Variants in KCNC1 observed in about 807,000 individuals in gnomAD.
KCNC1 encodes voltage-gated potassium channel KCNC1.
KCNC1 carries 8 observed loss-of-function variants against 43.4 expected under a neutral mutation model. The observed-to-expected ratio is 0.18, with a 90% CI of 0.11 to 0.33. The LOEUF is 0.33. Ranked by LOEUF, KCNC1 falls within the 10% of genes least tolerant of loss-of-function variation. The pLI is 1.00. For synonymous variants in KCNC1, 361 were observed against 360.5 expected (o/e 1.00, Z -0.01); for missense variants, 420 against 836.0 (o/e 0.50, Z 6.14).
rs760064649 is a variant in KCNC1, at chr11:17,742,960, G to A, written c.570+6388G>A. Among the ~76,000 whole-genome samples, 14 of 152,128 alleles carry A rather than the reference G, an allele frequency of 9.2e-5. No individual in the cohort carries two copies. Among genetic ancestry groups the A allele is most frequent in the East Asian group, 1.9e-4 (1 of 5,192 alleles). On this transcript the variant is annotated intron_variant, in intron 1 of 3. Transcript: ENST00000265969. The surrounding 1 kb of genome is among the most constrained non-coding windows in gnomAD (Gnocchi z 4.2). ...ACAGATACCTGCATTCCAAGGACAC[G>A]GCACAGCTGATTGAGACCTTCTCAC...
intron 1 of KCNC1, among the ~76,000 whole-genome samples, chr11:17,765,109 C>T (rs1330596066): frequency 6.6e-6 from 1 of 152,200 alleles, no homozygotes; most frequent in African/African-American, 2.4e-5. Context: ...TCAGAAAGGA[C>T]CAATCCAACC....
In KCNC1 at chr11:17,773,240, T is replaced by G; in HGVS notation, c.1504+642T>G. On this transcript the variant is annotated intron_variant, in intron 2 of 3. Coordinates refer to ENST00000265969, the MANE Select transcript of KCNC1 (RefSeq NM_001112741.2). This position sits in a 1 kb window ranked among gnomAD's most constrained non-coding sequence, Gnocchi z 4.1. Reference sequence around the variant, plus strand: ...CTCCGTGACAAGCTTACTTACCCCATAGCATGCTGAACCAACTCATCTTCT... The same window carrying G: ...CTCCGTGACAAGCTTACTTACCCCAGAGCATGCTGAACCAACTCATCTTCT... The G allele has an allele frequency of 1.0e-6, 1 of 985,792 alleles. No individual in the cohort carries two copies. The highest frequency in any genetic ancestry group is 1.2e-6 in the Non-Finnish European group (1 of 830,248). 61.1% of individuals were successfully genotyped at this position (985,792 alleles called of 1,614,324 possible).
Position 17,777,584 on chromosome 11 carries a change from G to T in KCNC1, c.1505-1872G>T. On this transcript the variant is annotated intron_variant, in intron 2 of 3. Coordinates refer to ENST00000265969, the MANE Select transcript of KCNC1 (RefSeq NM_001112741.2). The surrounding 1 kb of genome is among the most constrained non-coding windows in gnomAD (Gnocchi z 4.3). ...CTGCGAGCACACGTGTGTGCCTGCA[G>T]ACATGCCCCAAGACCCCAGAGACGC... 2 of 985,882 alleles carry T rather than the reference G, an allele frequency of 2.0e-6. No homozygotes were observed. Among genetic ancestry groups the T allele is most frequent in the Non-Finnish European group, 2.4e-6 (2 of 829,956 alleles). 61.1% of individuals were successfully genotyped at this position (985,882 alleles called of 1,614,324 possible). A position where few individuals can be genotyped will look rare whatever the true frequency, so the allele number is the denominator to read the frequency against.
In KCNC1 at chr11:17,736,159, G is replaced by C; in HGVS notation, c.157G>C (p.Asp53His). Reference protein sequence around the residue: ...HSHFDYDPRADEFFFDRHPGV... With the variant: ...HSHFDYDPRAHEFFFDRHPGV... ...CCACTTCGACTATGACCCGCGTGCT[G>C]ACGAGTTCTTCTTCGACCGCCACCC... is the stretch of plus-strand genomic sequence containing the variant. Residue 53 changes from aspartate (D) to histidine (H), a missense_variant, in exon 1 of 4, where the codon GAC becomes CAC. Asp to His is a moderately conservative substitution (Grantham distance 81, BLOSUM62 -1). Around this residue, in one of 5 missense-constraint regions of KCNC1, gnomAD observed 42 missense variants for 81.5 expected, o/e 0.52. Coordinates refer to ENST00000265969, the MANE Select transcript of KCNC1 (RefSeq NM_001112741.2). This position sits in a 1 kb window ranked among gnomAD's most constrained non-coding sequence, Gnocchi z 9.3. The C allele has an allele frequency of 6.2e-7, 1 of 1,613,498 alleles. No individual in the cohort carries two copies. The highest frequency in any genetic ancestry group is 2.2e-5 in the East Asian group (1 of 44,850).
At chr11:17,737,109 A>C (rs1265447446) in intron 1 of KCNC1, among the ~76,000 whole-genome samples, 2 of 151,586 alleles carry the variant, frequency 1.3e-5, no homozygotes, top group Admixed American at 1.3e-4. Context: ...CTTGAGACAG[A>C]CACCCCCTCC....
intron 1 of KCNC1, among the ~76,000 whole-genome samples, chr11:17,741,758 C>A (rs1848845354): frequency 6.6e-6 from 1 of 152,246 alleles, no homozygotes; most frequent in Non-Finnish European, 1.5e-5. Flanking sequence ...CTTACCAAAC[C>A]CCAACCACCC....
chr11:17,768,822 G>A (rs1849188858), intron 1 of KCNC1, among the ~76,000 whole-genome samples: 1 of 152,234 alleles, frequency 6.6e-6, no homozygotes, highest in Admixed American at 6.5e-5. Context: ...CCTGCCCTTA[G>A]GGAGTCTCTG....
chr11:17,777,448 G>A lies in KCNC1; in HGVS notation c.1505-2008G>A, dbSNP rs930895575. 5.2e-5 allele frequency: 51 copies of A among 985,746 alleles called. No homozygotes were observed. The highest frequency in any genetic ancestry group is 7.0e-5 in the African/African-American group (4 of 57,202). The allele number at this position is 985,746 out of a possible 1,614,324, so 61.1% of individuals were successfully genotyped here. ...GGCCTCAACCCCCACATCGTCATCC[G>A]CGTCCTCTCCATACTGTTTCCCTCC... On this transcript the variant is annotated intron_variant, in intron 2 of 3. Coordinates refer to ENST00000265969, the MANE Select transcript of KCNC1 (RefSeq NM_001112741.2). The surrounding 1 kb of genome is among the most constrained non-coding windows in gnomAD (Gnocchi z 4.3).
At chr11:17,770,205 C>G (rs1264279341) in intron 1 of KCNC1, among the ~76,000 whole-genome samples, 1 of 152,270 alleles carries the variant, frequency 6.6e-6, no homozygotes, top group Admixed American at 6.5e-5. Context: ...CTGCTGTTGA[C>G]ACAGGGCGCG....
chr11:17,749,645 T>C (rs1848943062), intron 1 of KCNC1, among the ~76,000 whole-genome samples: 1 of 152,222 alleles, frequency 6.6e-6, no homozygotes, highest in Admixed American at 6.5e-5. Context: ...CACGGCCACC[T>C]GCTGGGCCAC....
At chr11:17,772,758 G>T in intron 2 of KCNC1, 160 bp downstream of exon 2, 1 of 1,491,242 alleles carries the variant, frequency 6.7e-7, no homozygotes, top group Non-Finnish European at 8.9e-7. Context: ...GGAGATGCTG[G>T]GCGGCCAAAT....
Position 17,771,524 on chromosome 11 carries a change from T to C in KCNC1, c.571-141T>C. ...ACGGTCGTGCAGGCCCCCTGTGCCC[T>C]GAGGAGGGAAATGTAGCACGTGCTG... On this transcript the variant is annotated intron_variant, in intron 1 of 3. Transcript: ENST00000265969. This position sits in a 1 kb window ranked among gnomAD's most constrained non-coding sequence, Gnocchi z 4.7. 1.3e-6 allele frequency: 1 copy of C among 745,692 alleles called. No individual in the cohort carries two copies. The highest frequency in any genetic ancestry group is 2.2e-6 in the Non-Finnish European group (1 of 448,598). The allele number at this position is 745,692 out of a possible 1,614,324, so 46.2% of individuals were successfully genotyped here.
rs750847933 is a variant in KCNC1 at position 17,779,686 on chromosome 11, C to T, written c.1693+42C>T. On this transcript the variant is annotated intron_variant, in intron 3 of 3. Coordinates refer to ENST00000265969, the MANE Select transcript of KCNC1 (RefSeq NM_001112741.2). This position sits in a 1 kb window ranked among gnomAD's most constrained non-coding sequence, Gnocchi z 7.2. Reference sequence around the variant, plus strand: ...GGAGCACCGTGCATCGTCCGGGCCGCCTCGCGCTCCTGCAGATGGGTGGGC... The same window carrying T: ...GGAGCACCGTGCATCGTCCGGGCCGTCTCGCGCTCCTGCAGATGGGTGGGC... The T allele has an allele frequency of 7.1e-7, 1 of 1,400,798 alleles. No homozygotes were observed. Among genetic ancestry groups the T allele is most frequent in the Non-Finnish European group, 9.4e-7 (1 of 1,068,260 alleles). The allele number at this position is 1,400,798 out of a possible 1,614,324, so 86.8% of individuals were successfully genotyped here. A position where few individuals can be genotyped will look rare whatever the true frequency, so the allele number is the denominator to read the frequency against.
chr11:17,774,196 C>T (rs1849261179), intron 2 of KCNC1: 1 of 985,392 alleles, frequency 1.0e-6, no homozygotes, highest in African/African-American at 1.7e-5. Context: ...GCTGAAACAG[C>T]TCCGAGCTCT....
intron 1 of KCNC1, among the ~76,000 whole-genome samples, chr11:17,760,019 C>T (rs1849060625): frequency 6.6e-6 from 1 of 152,218 alleles, no homozygotes; most frequent in Admixed American, 6.5e-5. Flanking sequence ...CGCCTTCCTA[C>T]TCACTGCCTA....
chr11:17,763,159 C>T (rs1355376765), intron 1 of KCNC1, among the ~76,000 whole-genome samples: 2 of 152,086 alleles, frequency 1.3e-5, no homozygotes, highest in Non-Finnish European at 2.9e-5. Flanking sequence ...TGGACGTCTG[C>T]GCCGGGACGC....
Position 17,781,601 on chromosome 11 carries a change from C to A in KCNC1, c.1694-69C>A. On this transcript the variant is annotated intron_variant, in intron 3 of 3. Transcript: ENST00000265969. The surrounding 1 kb of genome is among the most constrained non-coding windows in gnomAD (Gnocchi z 5.1). ...TGTCTTTCCTCCTCCTTCTTAAAAA[C>A]TAAGTACCAAGCGGGATGGGAGAGC... 1 of 1,093,868 alleles carries A rather than the reference C, an allele frequency of 9.1e-7. No individual in the cohort carries two copies. The highest frequency in any genetic ancestry group is 1.4e-6 in the Non-Finnish European group (1 of 735,392). 67.8% of individuals were successfully genotyped at this position (1,093,868 alleles called of 1,614,324 possible). A position where few individuals can be genotyped will look rare whatever the true frequency, so the allele number is the denominator to read the frequency against.
At chr11:17,741,540 C>G (rs1449217175) in intron 1 of KCNC1, among the ~76,000 whole-genome samples, 1 of 152,168 alleles carries the variant, frequency 6.6e-6, no homozygotes, top group East Asian at 1.9e-4. Flanking sequence ...TCCCCGGCAG[C>G]CCCCCAGCTG....
rs527538308 is a variant in KCNC1, at chr11:17,777,537, G to A, written c.1505-1919G>A. 2,465 of 985,978 alleles carry A rather than the reference G, an allele frequency of 2.5e-3. 6 individuals are homozygous for A. The highest frequency in any genetic ancestry group is 2.7e-3 in the Non-Finnish European group (2,275 of 830,012). 61.1% of individuals were successfully genotyped at this position (985,978 alleles called of 1,614,324 possible). A position where few individuals can be genotyped will look rare whatever the true frequency, so the allele number is the denominator to read the frequency against. Reference sequence around the variant, plus strand: ...TGGATGGAAGACTGGGCCAGCCAGAGTGGGAGGCAGGACCAGCGTGTCTGC... The same window carrying A: ...TGGATGGAAGACTGGGCCAGCCAGAATGGGAGGCAGGACCAGCGTGTCTGC... On this transcript the variant is annotated intron_variant, in intron 2 of 3. Transcript: ENST00000265969. The surrounding 1 kb of genome is among the most constrained non-coding windows in gnomAD (Gnocchi z 4.3).
Sources: gnomAD v4.1 joint callset for allele counts (sites outside exome capture counted in the v4.1 genomes callset) on GRCh38, gnomAD v4.1.1 for gene constraint, gnomAD v4.1.1 regional missense constraint, Gnocchi (gnomAD v3.1) non-coding constraint, MANE v1.5 for transcripts, NCBI Gene and HGNC (gene_info 2026-07-23, HGNC 2026-07-21) for gene names.